CA8: variants seen among roughly 807,000 people sequenced by gnomAD.
CA8 encodes the protein carbonic anhydrase 8 (inactive), also known as carbonic anhydrase-related protein.
A neutral mutation model predicts 41.4 loss-of-function variants in CA8; 22 were observed. That is an observed-to-expected ratio of 0.53 (90% CI 0.38 to 0.76). The LOEUF (loss-of-function observed/expected upper bound fraction) is 0.76. CA8 is among the 30% of genes least tolerant of loss of function. The pLI, the probability that CA8 is intolerant of heterozygous loss-of-function variation, is 0.00. For missense variants in CA8, 270 were observed against 352.8 expected (o/e 0.77, Z 1.88); for synonymous variants, 121 against 130.6 (o/e 0.93, Z 0.50).
chr8:60,229,416 C>G (rs1007677565), intron 4 of CA8, among the ~76,000 whole-genome samples: 1 of 152,160 alleles, frequency 6.6e-6, no homozygotes, highest in African/African-American at 2.4e-5. Flanking sequence ...CCCACGTGCT[C>G]AAGCCATCCT....
intron 3 of CA8, among the ~76,000 whole-genome samples, chr8:60,260,151 T>A (rs1027234561): frequency 1.3e-5 from 2 of 152,190 alleles, no homozygotes; most frequent in African/African-American, 4.8e-5. Flanking sequence ...AAGCACTGCC[T>A]AGAGCAGAAG....
intron 2 of CA8, among the ~76,000 whole-genome samples, chr8:60,275,492 C>CGT (rs1563386539): frequency 1.3e-5 from 2 of 150,142 alleles, no homozygotes. Context: ...TTAATTGCAG[C>CGT]GTAAGTTCAA....
intron 3 of CA8, among the ~76,000 whole-genome samples, chr8:60,263,259 C>G (rs544746394): frequency 6.6e-6 from 1 of 150,500 alleles, no homozygotes; most frequent in East Asian, 2.0e-4. Context: ...GAGGCGGAAG[C>G]TGCAGAGAGC....
intron 2 of CA8, among the ~76,000 whole-genome samples, chr8:60,272,742 T>C (rs536404451): frequency 1.3e-5 from 2 of 152,380 alleles, no homozygotes; most frequent in East Asian, 1.9e-4. Context: ...TGACCTACCA[T>C]TGTATCCTCC....
chr8:60,263,659 G>A (rs968443511), intron 3 of CA8, among the ~76,000 whole-genome samples: 3 of 152,198 alleles, frequency 2.0e-5, no homozygotes, highest in Non-Finnish European at 2.9e-5. Context: ...AGAACCAGGG[G>A]ACCTGTAGTC....
chr8:60,252,235 T>C (rs1033763714), intron 3 of CA8, among the ~76,000 whole-genome samples: 3 of 152,184 alleles, frequency 2.0e-5, no homozygotes, highest in Admixed American at 1.3e-4. Context: ...GGACCATCAA[T>C]TGACAACAGC....
intron 3 of CA8, among the ~76,000 whole-genome samples, chr8:60,235,766 G>T (rs752514268): frequency 2.0e-5 from 3 of 152,174 alleles, no homozygotes; most frequent in Non-Finnish European, 4.4e-5. Flanking sequence ...AGCTAGAGGG[G>T]TCAGACAGCA....
intron 6 of CA8, 152 bp downstream of exon 6, chr8:60,224,385 T>TA: frequency 1.7e-6 from 1 of 598,580 alleles, no homozygotes. Context: ...CTTCCATATT[T>TA]AGAGTAATCT....
In CA8 at chr8:60,186,302, T is replaced by C. The variant is rs1462705055; in HGVS notation, c.*3719A>G. ...TCAGAGCTATTTAGTAGTAACTAAA[T>C]AACTCACTGTAATAAAGTTATTATA... On this transcript the variant is annotated 3_prime_UTR_variant, in exon 9 of 9. Transcript: ENST00000317995. Among the ~76,000 whole-genome samples, 2 of 151,934 alleles carry C rather than the reference T, an allele frequency of 1.3e-5. No homozygotes were observed. Among genetic ancestry groups the C allele is most frequent in the African/African-American group, 4.8e-5 (2 of 41,406 alleles).
chr8:60,203,374 T>C (rs964933526), intron 8 of CA8, among the ~76,000 whole-genome samples: 9 of 152,214 alleles, frequency 5.9e-5, no homozygotes, highest in African/African-American at 2.4e-5. Flanking sequence ...TTACACGGTC[T>C]AATATGAACT....
intron 5 of CA8, among the ~76,000 whole-genome samples, chr8:60,225,934 C>T (rs992305360): frequency 1.3e-5 from 2 of 152,092 alleles, no homozygotes; most frequent in Non-Finnish European, 2.9e-5. Context: ...CCACCCTGGC[C>T]AACATGGTGA....
In CA8 at chr8:60,281,156, C is replaced by T. The variant is rs1184985864; in HGVS notation, c.-9G>A. 5.8e-6 allele frequency: 9 copies of T among 1,547,906 alleles called. No homozygotes were observed. The highest frequency in any genetic ancestry group is 7.9e-6 in the Non-Finnish European group (9 of 1,146,292). On this transcript the variant is annotated 5_prime_UTR_variant, in exon 1 of 9. Coordinates refer to ENST00000317995, the MANE Select transcript of CA8 (RefSeq NM_004056.6). ...AAGCTCAGGTCCGCCATGGGAAGGC[C>T]GCGGGGCCCCTCGGCGCTCTCGGCA...
intron 3 of CA8, among the ~76,000 whole-genome samples, chr8:60,251,389 C>G (rs1253958052): frequency 6.6e-6 from 1 of 152,220 alleles, no homozygotes; most frequent in African/African-American, 2.4e-5. Context: ...TCAAGCCAAA[C>G]TTTCAAATAT....
At chr8:60,212,750 T>C (rs1472844562) in intron 7 of CA8, among the ~76,000 whole-genome samples, 1 of 152,230 alleles carries the variant, frequency 6.6e-6, no homozygotes, top group East Asian at 1.9e-4. Flanking sequence ...TTAACAATAC[T>C]GCATTGTACA....
intron 6 of CA8, 54 bp downstream of exon 6, chr8:60,224,483 A>G (rs1477418886): frequency 4.0e-6 from 4 of 1,009,506 alleles, no homozygotes; most frequent in Non-Finnish European, 6.3e-6. Flanking sequence ...GAAGAAAACA[A>G]TGTGACTATA....
chr8:60,209,089 A>G (rs569388395), intron 7 of CA8, among the ~76,000 whole-genome samples, 170 bp from the exon 8 acceptor site: 1 of 151,306 alleles, frequency 6.6e-6, no homozygotes, highest in East Asian at 1.9e-4. Context: ...TCCAGACCTA[A>G]GACGTTAGAG....
At position 60,186,511 on chromosome 8, in the gene CA8, A is replaced by T. The variant is rs1805969038; in HGVS notation, c.*3510T>A. Among the ~76,000 whole-genome samples, 1 of 151,924 alleles carries T rather than the reference A, an allele frequency of 6.6e-6. No homozygotes were observed. The highest frequency in any genetic ancestry group is 6.6e-5 in the Admixed American group (1 of 15,262). On this transcript the variant is annotated 3_prime_UTR_variant, in exon 9 of 9. Transcript: ENST00000317995. The stretch of plus-strand genomic sequence containing the variant: ...AGGAACAACAACAAAAAGATACAAG[A>T]CATGTGGAAAACAAAAAGTAAAATG...
intron 3 of CA8, among the ~76,000 whole-genome samples, chr8:60,246,545 G>A (rs959304493): frequency 3.9e-5 from 6 of 152,126 alleles, no homozygotes; most frequent in East Asian, 1.9e-4. Context: ...TGATCCACCT[G>A]CTTTGGCCTC....
chr8:60,192,891 C>T (rs1034832343), intron 8 of CA8, among the ~76,000 whole-genome samples: 1 of 149,044 alleles, frequency 6.7e-6, no homozygotes, highest in East Asian at 2.0e-4. Context: ...TAAATTTTTC[C>T]TATGGAGAAT....
Sources: gnomAD v4.1 joint callset for allele counts (sites outside exome capture counted in the v4.1 genomes callset) on GRCh38, gnomAD v4.1.1 for gene constraint, MANE v1.5 for transcripts, NCBI Gene and HGNC (gene_info 2026-07-23, HGNC 2026-07-21) for gene names.